DENND2D: variants seen among roughly 807,000 people sequenced by gnomAD.
DENND2D encodes DENN domain-containing protein 2D.
DENND2D carries 37 observed loss-of-function variants against 59.8 expected under a neutral mutation model. The observed-to-expected ratio is 0.62, with a 90% CI of 0.48 to 0.81. The LOEUF is 0.81. DENND2D is among the 40% of genes least tolerant of loss of function. The probability of loss-of-function intolerance (pLI) is 0.00; values close to 1 mark genes in which losing one functional copy is unlikely to be tolerated. For synonymous variants in DENND2D, 219 were observed against 211.3 expected (o/e 1.04, Z -0.31); for missense variants, 525 against 579.7 (o/e 0.91, Z 0.97).
intron 4 of DENND2D, 61 bp downstream of exon 4, chr1:111,197,859 A>C: frequency 1.2e-6 from 2 of 1,610,098 alleles, no homozygotes; most frequent in East Asian, 4.5e-5. Flanking sequence ...GGCTTGAGCA[A>C]GCCCAGCCGT....
At chr1:111,194,796 C>A in intron 6 of DENND2D, 70 bp from the exon 7 acceptor site, 1 of 1,514,826 alleles carries the variant, frequency 6.6e-7, no homozygotes, top group Non-Finnish European at 9.0e-7. Flanking sequence ...AGGTGCTAGG[C>A]CTCTACCAGC....
chr1:111,191,713 C>G (rs949840893), intron 8 of DENND2D, among the ~76,000 whole-genome samples: 1 of 152,192 alleles, frequency 6.6e-6, no homozygotes, highest in South Asian at 2.1e-4. Context: ...CATGTTAGCT[C>G]AATTCCAAGG....
chr1:111,200,322 T>C (rs1658676463), intron 1 of DENND2D, 71 bp downstream of exon 1: 2 of 1,558,182 alleles, frequency 1.3e-6, no homozygotes, highest in Admixed American at 3.7e-5. Context: ...GGAAGGAGCA[T>C]TTCAAGGAAG....
At chr1:111,190,936 G>A (rs1657710860) in intron 8 of DENND2D, among the ~76,000 whole-genome samples, 1 of 152,122 alleles carries the variant, frequency 6.6e-6, no homozygotes, top group African/African-American at 2.4e-5. Flanking sequence ...TAAATAATTT[G>A]TTTTTCAAGA....
Position 111,186,854 on chromosome 1 carries a change from T to A in DENND2D, c.*751A>T, listed in dbSNP as rs1363106416. 1.3e-5 allele frequency among the ~76,000 whole-genome samples: 2 copies of A among 152,186 alleles called. No individual in the cohort carries two copies. Among genetic ancestry groups the A allele is most frequent in the African/African-American group, 4.8e-5 (2 of 41,458 alleles). On this transcript the variant is annotated 3_prime_UTR_variant, in exon 12 of 12. Transcript: ENST00000357640. ...GTGTTCTTCACAGGCTGCTGTTGACTGAAATTCCTATCCTCAAATTACTCT... is the reference window on the plus strand; with the variant it reads ...GTGTTCTTCACAGGCTGCTGTTGACAGAAATTCCTATCCTCAAATTACTCT...
chr1:111,192,578 C>A (rs1657883539), intron 7 of DENND2D, among the ~76,000 whole-genome samples: 1 of 152,152 alleles, frequency 6.6e-6, no homozygotes, highest in African/African-American at 2.4e-5. Context: ...TCTCAACTTA[C>A]TACTGGCCAA....
chr1:111,201,285 C>A (rs1329344079), upstream of DENND2D: 1 of 152,228 alleles, frequency 6.6e-6, no homozygotes. Context: ...GTGAATTTCA[C>A]CCCCTGGAGA....
At chr1:111,199,359 C>T (rs1479464933) in intron 2 of DENND2D, among the ~76,000 whole-genome samples, 1 of 152,174 alleles carries the variant, frequency 6.6e-6, no homozygotes, top group East Asian at 1.9e-4. Context: ...ATCAGGTCCC[C>T]TAAAAGGCAA....
chr1:111,192,309 G>A lies in DENND2D; in HGVS notation c.803C>T (p.Ser268Phe). ...TGCGGCAGCAGCATGGATGCACTGAGACAAGGTGCTGGGACAGAGCACAGA... is the reference window on the plus strand; with the variant it reads ...TGCGGCAGCAGCATGGATGCACTGAAACAAGGTGCTGGGACAGAGCACAGA... The part of the protein sequence containing the change: ...IFLAEGLSTL[S>F]QCIHAAAALL... Residue 268 changes from serine to phenylalanine, a missense_variant, in exon 8 of 12, where the codon TCT becomes TTT. Ser to Phe is a radical substitution (Grantham distance 155). This residue lies in a region of DENND2D where 225 missense variants were observed against 252.4 expected (regional missense o/e 0.89). Transcript: ENST00000357640. The A allele has an allele frequency of 6.2e-7, 1 of 1,605,354 alleles. No individual in the cohort carries two copies. Among genetic ancestry groups the A allele is most frequent in the Non-Finnish European group, 8.5e-7 (1 of 1,174,420 alleles).
intron 9 of DENND2D, 26 bp from the exon 10 acceptor site, chr1:111,188,812 C>A: frequency 6.2e-7 from 1 of 1,605,290 alleles, no homozygotes; most frequent in South Asian, 1.1e-5. Flanking sequence ...GCTCCGAGGT[C>A]AAGCAGGAAG....
At chr1:111,196,428 C>G (rs1658232684) in intron 5 of DENND2D, 1 of 173,256 alleles carries the variant, frequency 5.8e-6, no homozygotes, top group Admixed American at 5.5e-5. Flanking sequence ...GAGCAGGAGG[C>G]TAGAAGGCTA....
At chr1:111,204,153 C>G, upstream of DENND2D, 1 of 877,392 alleles carries the variant, frequency 1.1e-6, no homozygotes, top group Non-Finnish European at 1.6e-6. Context: ...CACCTGCCCC[C>G]GCGCAGCCTC....
At chr1:111,195,802 T>C in intron 6 of DENND2D, 114 bp downstream of exon 6, 1 of 1,477,578 alleles carries the variant, frequency 6.8e-7, no homozygotes, top group East Asian at 2.3e-5. Flanking sequence ...CCAGTCCCCA[T>C]CTGGCTCAGT....
chr1:111,189,085 G>T, intron 9 of DENND2D, 127 bp downstream of exon 9: 1 of 1,100,050 alleles, frequency 9.1e-7, no homozygotes. Context: ...GAGAGATGTG[G>T]TCTTTTTAGC....
chr1:111,194,781 C>T (rs1571187123), intron 6 of DENND2D, 55 bp from the exon 7 acceptor site: 1 of 1,591,206 alleles, frequency 6.3e-7, no homozygotes, highest in Non-Finnish European at 8.6e-7. Flanking sequence ...ATCATGCAGA[C>T]CCCGAGGTGC....
intron 8 of DENND2D, among the ~76,000 whole-genome samples, chr1:111,191,820 A>G (rs1423647809): frequency 2.0e-5 from 3 of 152,218 alleles, no homozygotes; most frequent in East Asian, 3.9e-4. Flanking sequence ...CATTAGGGCC[A>G]GCTGGCACAG....
chr1:111,187,794 C>A, intron 11 of DENND2D, 113 bp from the exon 12 acceptor site: 1 of 896,888 alleles, frequency 1.1e-6, no homozygotes. Context: ...GCCATCCCTG[C>A]CAGGATGTCT....
rs1657837801 is a variant in DENND2D at position 111,192,161 on chromosome 1, G to T, written c.951C>A (p.Val317=). 1 of 1,610,690 alleles carries T rather than the reference G, an allele frequency of 6.2e-7. No homozygotes were observed. Among genetic ancestry groups the T allele is most frequent in the Admixed American group, 1.7e-5 (1 of 59,762 alleles). Residue 317 remains valine (V), a synonymous_variant, in exon 8 of 12, where the codon GTC becomes GTA. Coordinates refer to ENST00000357640, the MANE Select transcript of DENND2D (RefSeq NM_024901.5). ...VGVQMRFQQE[V]MDSPMEEVLL... Reference sequence around the variant, plus strand: ...ATACCTCTTCCATAGGGCTGTCCATGACCTCCTGCTGGAAGCGCATTTGTA... The same window carrying T: ...ATACCTCTTCCATAGGGCTGTCCATTACCTCCTGCTGGAAGCGCATTTGTA...
upstream of DENND2D, chr1:111,201,339 C>T (rs1658780434): frequency 6.6e-6 from 1 of 152,230 alleles, no homozygotes; most frequent in Non-Finnish European, 1.5e-5. Flanking sequence ...CAGAGTCCCT[C>T]TTCTCAAATA....
Sources: gnomAD v4.1 joint callset for allele counts (sites outside exome capture counted in the v4.1 genomes callset) on GRCh38, gnomAD v4.1.1 for gene constraint, gnomAD v4.1.1 regional missense constraint, MANE v1.5 for transcripts, NCBI Gene and HGNC (gene_info 2026-07-23, HGNC 2026-07-21) for gene names.